NAV3: variants seen among roughly 807,000 people sequenced by gnomAD.
NAV3 encodes neuron navigator 3.
In NAV3, 87 loss-of-function variants were observed where a neutral mutation model predicts 244.7. The ratio of observed to expected loss-of-function variants is 0.36; its 90% confidence interval spans 0.30 to 0.42. NAV3 has a LOEUF of 0.42. Ranked by LOEUF, NAV3 falls within the 20% of genes least tolerant of loss-of-function variation. The probability of loss-of-function intolerance (pLI) is 1.00; values close to 1 mark genes in which losing one functional copy is unlikely to be tolerated. For synonymous variants in NAV3, 1,126 were observed against 1,042.2 expected (o/e 1.08, Z -1.55); for missense variants, 2,663 against 2,893.3 (o/e 0.92, Z 1.83).
chr12:78,090,342 T>C (rs1593535558), intron 12 of NAV3, among the ~76,000 whole-genome samples: 2 of 151,640 alleles, frequency 1.3e-5, no homozygotes, highest in African/African-American at 2.4e-5. Context: ...TTGTGGATGA[T>C]ATAATACTAA....
chr12:77,958,394 T>C (rs1891569456), intron 3 of NAV3, among the ~76,000 whole-genome samples: 1 of 152,162 alleles, frequency 6.6e-6, no homozygotes, highest in Non-Finnish European at 1.5e-5. Context: ...AAATAAATAG[T>C]GTGTTTGATA....
At position 78,168,768 on chromosome 12, in the gene NAV3, T is replaced by G; in HGVS notation, c.4883T>G (p.Ile1628Arg). 1 of 1,607,246 alleles carries G rather than the reference T, an allele frequency of 6.2e-7. No individual in the cohort carries two copies. Among genetic ancestry groups the G allele is most frequent in the Non-Finnish European group, 8.5e-7 (1 of 1,176,278 alleles). ...MTAEQKESEL[I>R]ELRETIEMLK... ...TTTATTCCACAGGAATCTGAACTTA[T>G]AGAACTAAGAGAAACCATTGAAATG... The change falls in exon 24 of 40, where the codon ATA becomes AGA. Residue 1628 changes from isoleucine (I) to arginine (R), a missense_variant. Ile to Arg is a moderately conservative substitution (Grantham distance 97, BLOSUM62 -3). This residue lies in a region of NAV3 where 48 missense variants were observed against 90.0 expected (regional missense o/e 0.53). Coordinates refer to ENST00000397909, the MANE Select transcript of NAV3 (RefSeq NM_001024383.2).
chr12:78,176,363 C>G (rs1958227439), intron 25 of NAV3, 76 bp from the exon 26 acceptor site: 1 of 1,376,900 alleles, frequency 7.3e-7, no homozygotes, highest in African/African-American at 1.5e-5. Flanking sequence ...AATGTTTATA[C>G]AGGTAATATT....
Position 78,154,374 on chromosome 12 carries a change from G to GTA in NAV3, c.4786-4817_4786-4816dup, listed in dbSNP as rs887253772. Among the ~76,000 whole-genome samples the GTA allele has an allele frequency of 9.9e-3, 1,218 of 122,584 alleles. 10 individuals carry two copies. The highest frequency in any genetic ancestry group is 0.015 in the Non-Finnish European group (897 of 58,268). 80.4% of individuals were successfully genotyped at this position (122,584 alleles called of 152,430 possible). A position where few individuals can be genotyped will look rare whatever the true frequency, so the allele number is the denominator to read the frequency against. On this transcript the variant is annotated intron_variant, in intron 22 of 39. Transcript: ENST00000397909. ...CTATATAATATATAAATATATGTGT[G>GTA]TATATATATATATGCCTAGAGTGTT...
intron 2 of NAV3, among the ~76,000 whole-genome samples, chr12:77,809,273 G>T (rs992576551): frequency 1.6e-4 from 24 of 152,168 alleles, no homozygotes; most frequent in Non-Finnish European, 2.9e-5. Flanking sequence ...ACCCAGTTTT[G>T]TACTTGAAAC....
intron 2 of NAV3, among the ~76,000 whole-genome samples, chr12:77,766,734 A>ATTTTTTTTTTTTTTTTTTTTT (rs1565805085): frequency 3.7e-5 from 2 of 53,426 alleles, no homozygotes; most frequent in African/African-American, 1.0e-4. Context: ...CAGGCAATTA[A>ATTTTTTTTTTTTTTTTTTTTT]GTTTTTTTTT....
intron 2 of NAV3, among the ~76,000 whole-genome samples, chr12:77,575,661 A>C (rs17043913): frequency 0.24 from 36,011 of 152,088 alleles, 4,720 homozygotes; most frequent in East Asian, 0.45. Context: ...TGATACTGCT[A>C]TGTAATTAAT....
chr12:78,139,914 G>C (rs1402903887), intron 19 of NAV3, among the ~76,000 whole-genome samples: 1 of 152,054 alleles, frequency 6.6e-6, no homozygotes, highest in Non-Finnish European at 1.5e-5. Flanking sequence ...AAATAAATAA[G>C]GTACATACAT....
At chr12:78,193,663 A>G (rs1959078156) in intron 34 of NAV3, among the ~76,000 whole-genome samples, 4 of 152,146 alleles carry the variant, frequency 2.6e-5, no homozygotes, top group Admixed American at 2.6e-4. Context: ...AGTGGGTATC[A>G]TGAAGTTATT....
chr12:77,839,080 A>G (rs1250458851), intron 1 of NAV3, among the ~76,000 whole-genome samples: 2 of 152,188 alleles, frequency 1.3e-5, no homozygotes, highest in African/African-American at 4.8e-5. Flanking sequence ...TGTATTAGGC[A>G]TAGGGATAGA....
At chr12:78,102,128 T>A (rs567356193) in intron 12 of NAV3, among the ~76,000 whole-genome samples, 1 of 152,164 alleles carries the variant, frequency 6.6e-6, no homozygotes, top group Non-Finnish European at 1.5e-5. Flanking sequence ...CATAGTCTCA[T>A]CTGAGACAAG....
At chr12:77,594,619 G>A (rs1293992528) in intron 2 of NAV3, among the ~76,000 whole-genome samples, 4 of 152,164 alleles carry the variant, frequency 2.6e-5, no homozygotes, top group African/African-American at 9.7e-5. Flanking sequence ...AGGCGAGTGA[G>A]TCATAAAAGA....
intron 38 of NAV3, among the ~76,000 whole-genome samples, chr12:78,204,698 C>T (rs1395105719): frequency 3.9e-5 from 6 of 152,030 alleles, no homozygotes; most frequent in Admixed American, 3.9e-4. Flanking sequence ...TATTCTCCCC[C>T]AAAAGTTGAC....
chr12:77,777,701 G>T (rs184626013), intron 2 of NAV3, among the ~76,000 whole-genome samples: 2 of 152,280 alleles, frequency 1.3e-5, no homozygotes, highest in Admixed American at 1.3e-4. Flanking sequence ...CTACAAAATA[G>T]TTCCATCAGT....
chr12:78,166,186 G>A (rs887222506), intron 23 of NAV3, among the ~76,000 whole-genome samples: 1 of 151,784 alleles, frequency 6.6e-6, no homozygotes, highest in African/African-American at 2.4e-5. Flanking sequence ...AGGAAAACAG[G>A]TTTCACAAGT....
At chr12:77,862,789 A>G (rs986645578) in intron 1 of NAV3, among the ~76,000 whole-genome samples, 3 of 151,946 alleles carry the variant, frequency 2.0e-5, no homozygotes, top group South Asian at 4.1e-4. Context: ...AGCTTATCTA[A>G]TGTTTCCATA....
intron 2 of NAV3, among the ~76,000 whole-genome samples, chr12:77,808,684 T>A (rs1872117419): frequency 6.6e-6 from 1 of 152,236 alleles, no homozygotes; most frequent in South Asian, 2.1e-4. Flanking sequence ...AGTGTATTCC[T>A]TAGCAGAGCT....
intron 5 of NAV3, among the ~76,000 whole-genome samples, chr12:77,979,712 GA>G (rs150656996): frequency 0.031 from 3,745 of 121,582 alleles, 96 homozygotes; most frequent in African/African-American, 0.075. Context: ...AAAAAAAAAA[GA>G]AAAAAAAAAA....
intron 2 of NAV3, among the ~76,000 whole-genome samples, chr12:77,793,479 C>CCA (rs1871274553): frequency 6.6e-6 from 1 of 152,102 alleles, no homozygotes; most frequent in Non-Finnish European, 1.5e-5. Flanking sequence ...ACTTGCCCCC[C>CCA]ACACCCTGAC....
Sources: allele counts gnomAD v4.1 joint callset (sites outside exome capture counted in the v4.1 genomes callset), GRCh38; gene constraint gnomAD v4.1.1; regional missense constraint gnomAD v4.1.1; transcripts MANE v1.5; gene names NCBI Gene and HGNC (gene_info 2026-07-23, HGNC 2026-07-21).